Variants in NISCH observed in about 807,000 individuals in gnomAD.
The protein encoded by NISCH is I-1 receptor candidate protein.
A neutral mutation model predicts 138.4 loss-of-function variants in NISCH; 55 were observed. The observed-to-expected ratio is 0.40, with a 90% CI of 0.32 to 0.50. The LOEUF (loss-of-function observed/expected upper bound fraction) is 0.50. Among genes scored for constraint, NISCH ranks in the 20% least tolerant of loss-of-function variants. NISCH has a pLI of 0.71. For missense variants in NISCH, 1,643 were observed against 2,005.5 expected (o/e 0.82, Z 3.45); for synonymous variants, 860 against 861.5 (o/e 1.00, Z 0.03).
intron 18 of NISCH, 73 bp downstream of exon 18, chr3:52,490,304 G>A: frequency 6.5e-7 from 1 of 1,543,290 alleles, no homozygotes; most frequent in Non-Finnish European, 8.8e-7. Flanking sequence ...GTCATTCTCT[G>A]GAGCCAGCTG....
chr3:52,466,051 A>G (rs911818046), intron 3 of NISCH, among the ~76,000 whole-genome samples: 1 of 152,270 alleles, frequency 6.6e-6, no homozygotes, highest in African/African-American at 2.4e-5. Context: ...TTACAATCTT[A>G]GCATTGGCTT....
intron 12 of NISCH, 119 bp downstream of exon 12, chr3:52,479,981 C>G: frequency 1.0e-6 from 1 of 987,786 alleles, no homozygotes; most frequent in Non-Finnish European, 1.5e-6. Flanking sequence ...GCGCCCCTCC[C>G]TGGCTGCATG....
chr3:52,480,592 G>A (rs1707244507), intron 13 of NISCH: 2 of 1,434,456 alleles, frequency 1.4e-6, no homozygotes, highest in Non-Finnish European at 1.8e-6. Flanking sequence ...GAACAGGCTC[G>A]GGGCTGTTGG....
Position 52,477,656 on chromosome 3 carries a change from A to C in NISCH, c.987+14A>C, listed in dbSNP as rs765388153. On this transcript the variant is annotated intron_variant, in intron 9 of 20. Transcript: ENST00000345716. Reference sequence around the variant, plus strand: ...GACAATCTGCAGGTAGTGCCTTTGGAGACCAGTGCTGCCCGCACACACTCC... The same window carrying C: ...GACAATCTGCAGGTAGTGCCTTTGGCGACCAGTGCTGCCCGCACACACTCC... 7 of 1,608,146 alleles carry C rather than the reference A, an allele frequency of 4.4e-6. No individual in the cohort carries two copies. The highest frequency in any genetic ancestry group is 6.0e-6 in the Non-Finnish European group (7 of 1,174,528).
chr3:52,475,351 A>G (rs1433163175), intron 7 of NISCH, among the ~76,000 whole-genome samples: 3 of 152,204 alleles, frequency 2.0e-5, no homozygotes, highest in Non-Finnish European at 2.9e-5. Context: ...GTCAAAACAA[A>G]TAGGCCTGCC....
chr3:52,472,794 C>T (rs1272891857), intron 6 of NISCH, among the ~76,000 whole-genome samples: 1 of 152,262 alleles, frequency 6.6e-6, no homozygotes, highest in African/African-American at 2.4e-5. Context: ...TGAAGATGCC[C>T]TGCCCTCTGG....
intron 11 of NISCH, among the ~76,000 whole-genome samples, 192 bp from the exon 12 acceptor site, chr3:52,479,557 G>C (rs533805069): frequency 6.6e-6 from 1 of 152,292 alleles, no homozygotes; most frequent in Admixed American, 6.5e-5. Flanking sequence ...CCTCTGAGCA[G>C]GCTGAGCCTC....
intron 11 of NISCH, 137 bp from the exon 12 acceptor site, chr3:52,479,612 C>G (rs1320023444): frequency 5.9e-6 from 4 of 674,908 alleles, no homozygotes; most frequent in Middle Eastern, 5.5e-4. Flanking sequence ...ACAGCAGGTG[C>G]TCACGCCTCC....
intron 3 of NISCH, among the ~76,000 whole-genome samples, chr3:52,465,933 G>C (rs2153230904): frequency 6.6e-6 from 1 of 152,280 alleles, no homozygotes; most frequent in East Asian, 1.9e-4. Context: ...GGAAAGAAAA[G>C]GAATTCATTT....
At position 52,485,785 on chromosome 3, in the gene NISCH, C is replaced by A; in HGVS notation, c.1661C>A (p.Ser554Tyr). The A allele has an allele frequency of 6.3e-7, 1 of 1,582,290 alleles. No individual in the cohort carries two copies. The highest frequency in any genetic ancestry group is 8.6e-7 in the Non-Finnish European group (1 of 1,162,706). Residue 554 changes from serine (S) to tyrosine (Y), a missense_variant, in exon 15 of 21, where the codon TCC (serine) becomes TAC (tyrosine). Ser to Tyr is a moderately radical substitution (Grantham distance 144). Coordinates refer to ENST00000345716, the MANE Select transcript of NISCH (RefSeq NM_007184.4). The part of the protein sequence containing the change: ...LESIPAGQAA[S>Y]DDLRDVPGAV... ...TGTTTCTTTCTCCATCAGGCAGCTT[C>A]CGATGATTTAAGGGACGTGCCAGGA...
At position 52,484,518 on chromosome 3, in the gene NISCH, A is replaced by G. The variant is rs767917513; in HGVS notation, c.1534A>G (p.Met512Val). 20 of 1,548,230 alleles carry G rather than the reference A, an allele frequency of 1.3e-5. No homozygotes were observed. In the African/African-American group the frequency reaches 1.5e-4, roughly 11 times the overall value. Residue 512 changes from methionine to valine, a missense_variant, in exon 14 of 21, where the codon ATG becomes GTG. Transcript: ENST00000345716. ...PQPILSNQGI[M>V]FVQEEALASS... ...ACCCGCCCTGGTCTCTCCAGGAATC[A>G]TGTTCGTTCAGGAGGAGGCCCTGGC... is the stretch of plus-strand genomic sequence containing the variant.
chr3:52,483,953 G>A (rs1200544730), intron 13 of NISCH, among the ~76,000 whole-genome samples: 1 of 152,266 alleles, frequency 6.6e-6, no homozygotes, highest in Non-Finnish European at 1.5e-5. Flanking sequence ...GGCAGAAGTT[G>A]AGAGGCAACA....
chr3:52,489,251 CAG>C (rs1335203015), intron 16 of NISCH, 83 bp from the exon 17 acceptor site: 1 of 1,471,996 alleles, frequency 6.8e-7, no homozygotes, highest in Non-Finnish European at 9.3e-7. Flanking sequence ...GTGATGCACA[CAG>C]TCTCCTCACT....
At chr3:52,480,611 A>G (rs1437537308) in intron 13 of NISCH, 2 of 1,426,508 alleles carry the variant, frequency 1.4e-6, no homozygotes, top group South Asian at 3.1e-5. Flanking sequence ...GGCTCATGGG[A>G]CCCATTCCCT....
In NISCH at chr3:52,487,641, C is replaced by A. The variant is rs753026168; in HGVS notation, c.2149C>A (p.His717Asn). Residue 717 changes from histidine (H) to asparagine (N), a missense_variant, in exon 16 of 21, where the codon CAT (histidine) becomes AAT (asparagine). His to Asn is a moderately conservative substitution (Grantham distance 68). Coordinates refer to ENST00000345716, the MANE Select transcript of NISCH (RefSeq NM_007184.4). The surrounding 1 kb of genome is among the most constrained non-coding windows in gnomAD (Gnocchi z 9.1). ...CAAGGTGCTGTGGTGCTTCCTGATCCATGTGCAGGGCAGTATCCGCCAGTT... is the reference window on the plus strand; with the variant it reads ...CAAGGTGCTGTGGTGCTTCCTGATCAATGTGCAGGGCAGTATCCGCCAGTT... Reference protein sequence around the residue: ...ILKVLWCFLIHVQGSIRQFAA... With the variant: ...ILKVLWCFLINVQGSIRQFAA... 5.0e-6 allele frequency: 8 copies of A among 1,613,772 alleles called. No homozygotes were observed.
rs140724157 is a variant in NISCH, at chr3:52,472,264, C to T, written c.574-39C>T. 3.7e-4 allele frequency: 587 copies of T among 1,569,906 alleles called. 1 individual carries two copies. The African/African-American group carries it at 4.3e-3, about 12-fold the overall frequency. On this transcript the variant is annotated intron_variant, in intron 5 of 20. Transcript: ENST00000345716. ...GCTGCAGCACTCCCCGATGGGCATG[C>T]GACACTGTTCCCAATTTAAGCCTTA...
At chr3:52,489,250 A>G (rs988840971) in intron 16 of NISCH, 86 bp from the exon 17 acceptor site, 16 of 1,473,440 alleles carry the variant, frequency 1.1e-5, no homozygotes, top group Admixed American at 7.9e-5. Flanking sequence ...TGTGATGCAC[A>G]CAGTCTCCTC....
intron 17 of NISCH, 94 bp from the exon 18 acceptor site, chr3:52,489,981 G>A: frequency 6.6e-7 from 1 of 1,525,592 alleles, no homozygotes; most frequent in Non-Finnish European, 8.9e-7. Flanking sequence ...GCCAAGAGGG[G>A]CTTCCCATGT....
intron 6 of NISCH, among the ~76,000 whole-genome samples, chr3:52,472,843 G>A (rs1706990846): frequency 6.6e-6 from 1 of 152,232 alleles, no homozygotes; most frequent in Admixed American, 6.5e-5. Context: ...TGTCACTACT[G>A]GACTCTTTGG....
Sources: allele counts gnomAD v4.1 joint callset (sites outside exome capture counted in the v4.1 genomes callset), GRCh38; gene constraint gnomAD v4.1.1; non-coding constraint Gnocchi (gnomAD v3.1); transcripts MANE v1.5; gene names NCBI Gene and HGNC (gene_info 2026-07-23, HGNC 2026-07-21).